ACYP2: variants seen among roughly 807,000 people sequenced by gnomAD.
ACYP2 encodes acylphosphatase-2.
In ACYP2, 12 loss-of-function variants were observed where a neutral mutation model predicts 11.2. That is an observed-to-expected ratio of 1.08 (90% CI 0.69 to 1.74). The LOEUF (loss-of-function observed/expected upper bound fraction) is 1.74, where lower values mean the gene tolerates loss of function less well. Ranked by LOEUF, ACYP2 falls within the 40% of genes most tolerant of loss-of-function variation. The pLI, the probability that ACYP2 is intolerant of heterozygous loss-of-function variation, is 0.00. For missense variants in ACYP2, 134 were observed against 101.9 expected (o/e 1.31, Z -1.35); for synonymous variants, 43 against 32.2 (o/e 1.33, Z -1.13).
At chr2:54,083,794 A>G (rs1458955380) in intron 4 of ACYP2, among the ~76,000 whole-genome samples, 2 of 152,130 alleles carry the variant, frequency 1.3e-5, no homozygotes, top group East Asian at 1.9e-4. Context: ...ACCAAATTCT[A>G]CATAAAACTG....
At chr2:54,033,991 A>G (rs1417885897) in intron 2 of ACYP2, among the ~76,000 whole-genome samples, 2 of 152,234 alleles carry the variant, frequency 1.3e-5, no homozygotes, top group Non-Finnish European at 2.9e-5. Flanking sequence ...CATTTTGATC[A>G]ATGATAGACC....
At chr2:54,286,290 G>C (rs1382174708) in intron 6 of ACYP2, among the ~76,000 whole-genome samples, 1 of 152,012 alleles carries the variant, frequency 6.6e-6, no homozygotes, top group African/African-American at 2.4e-5. Context: ...GTTTGCTGCT[G>C]TTGCCCAACA....
intron 6 of ACYP2, among the ~76,000 whole-genome samples, chr2:54,180,227 C>G (rs1204731318): frequency 6.6e-6 from 1 of 152,240 alleles, no homozygotes; most frequent in African/African-American, 2.4e-5. Flanking sequence ...TCTCCAAACC[C>G]TGTTTATTTA....
intron 6 of ACYP2, among the ~76,000 whole-genome samples, chr2:54,267,933 A>G (rs557755228): frequency 6.6e-6 from 1 of 152,338 alleles, no homozygotes; most frequent in South Asian, 2.1e-4. Context: ...TGCTAAGCAC[A>G]TCTGTGGGTA....
chr2:54,000,494 T>G (rs1672749381), intron 2 of ACYP2, among the ~76,000 whole-genome samples: 1 of 152,186 alleles, frequency 6.6e-6, no homozygotes, highest in African/African-American at 2.4e-5. Context: ...TCCTTTTCAT[T>G]TAGAAAAACC....
intron 6 of ACYP2, among the ~76,000 whole-genome samples, chr2:54,233,788 C>T (rs115289027): frequency 1.3e-5 from 2 of 152,110 alleles, no homozygotes; most frequent in Non-Finnish European, 2.9e-5. Context: ...TTAGCTCTCT[C>T]TCTTACATTA....
intron 4 of ACYP2, among the ~76,000 whole-genome samples, chr2:54,072,814 C>T (rs1047203543): frequency 2.0e-5 from 3 of 152,102 alleles, no homozygotes; most frequent in African/African-American, 4.8e-5. Context: ...CTGCCTGCCT[C>T]AGCCTCCCAA....
At chr2:54,026,852 G>A (rs991677111) in intron 2 of ACYP2, among the ~76,000 whole-genome samples, 5 of 143,294 alleles carry the variant, frequency 3.5e-5, no homozygotes, top group Non-Finnish European at 1.5e-5. Flanking sequence ...TGGGAGCTAA[G>A]TTATAAGGAT....
At chr2:54,276,099 CATT>C (rs1283626312) in intron 6 of ACYP2, among the ~76,000 whole-genome samples, 2 of 152,072 alleles carry the variant, frequency 1.3e-5, no homozygotes, top group African/African-American at 4.8e-5. Context: ...CCCCGATAAT[CATT>C]ATTATCCTTG....
intron 6 of ACYP2, among the ~76,000 whole-genome samples, chr2:54,218,442 G>A (rs1353912270): frequency 6.6e-6 from 1 of 152,190 alleles, no homozygotes; most frequent in African/African-American, 2.4e-5. Context: ...AGCTTCTGGA[G>A]AACAGGGATC....
chr2:54,230,079 A>G (rs1686167201), intron 6 of ACYP2, among the ~76,000 whole-genome samples: 2 of 152,198 alleles, frequency 1.3e-5, no homozygotes, highest in East Asian at 3.8e-4. Context: ...GAGACAAGGA[A>G]AAAATATTTA....
At chr2:54,135,522 C>G in intron 5 of ACYP2, 53 bp downstream of exon 2, 1 of 1,524,120 alleles carries the variant, frequency 6.6e-7, no homozygotes, top group East Asian at 2.3e-5. Flanking sequence ...CTGTTATTCC[C>G]AATTACAGAG....
At chr2:54,234,426 A>T (rs13412139) in intron 6 of ACYP2, among the ~76,000 whole-genome samples, 37,392 of 152,120 alleles carry the variant, frequency 0.25, 4,693 homozygotes, top group East Asian at 0.37. Flanking sequence ...TAAAGCCATG[A>T]TTCATCTCTT....
intron 1 of ACYP2, among the ~76,000 whole-genome samples, chr2:53,971,875 A>G (rs1393362648): frequency 6.6e-6 from 1 of 152,232 alleles, no homozygotes; most frequent in Non-Finnish European, 1.5e-5. Flanking sequence ...TAAAAATTCA[A>G]AGTTCAAAAT....
intron 4 of ACYP2, among the ~76,000 whole-genome samples, chr2:54,111,949 C>T (rs1018692512): frequency 3.3e-5 from 5 of 152,140 alleles, no homozygotes; most frequent in African/African-American, 1.2e-4. Flanking sequence ...CTTCAAATGT[C>T]ATTTGGACAC....
At chr2:54,101,151 C>A (rs1678870809) in intron 4 of ACYP2, among the ~76,000 whole-genome samples, 1 of 152,108 alleles carries the variant, frequency 6.6e-6, no homozygotes, top group Non-Finnish European at 1.5e-5. Flanking sequence ...TGCATTTGAA[C>A]CCCTGCAGCT....
At chr2:54,112,477 T>C (rs1255844192) in intron 4 of ACYP2, among the ~76,000 whole-genome samples, 1 of 152,236 alleles carries the variant, frequency 6.6e-6, no homozygotes, top group Non-Finnish European at 1.5e-5. Context: ...TACATGCTTA[T>C]ACCCTTGATT....
At chr2:54,051,382 G>T in intron 3 of ACYP2, 1 of 753,180 alleles carries the variant, frequency 1.3e-6, no homozygotes, top group Non-Finnish European at 2.4e-6. Context: ...AGAGAAAAGT[G>T]AAGACATGGC....
rs377631843 is a variant in ACYP2, at chr2:54,255,794, T to C, written c.405-48894T>C. On this transcript the variant is annotated intron_variant, in intron 6 of 6. Transcript: ENST00000607452. ...GCCTTCTCCCCACCTAGGCCGTGCG[T>C]CTCTTCACCCGGAAAGCCATTTTTG... The C allele has an allele frequency of 1.2e-4, 200 of 1,613,716 alleles. No homozygotes were observed. The highest frequency in any genetic ancestry group is 1.6e-4 in the Non-Finnish European group (190 of 1,180,018).
Sources: allele counts gnomAD v4.1 joint callset (sites outside exome capture counted in the v4.1 genomes callset), GRCh38; gene constraint gnomAD v4.1.1; transcripts MANE v1.5; gene names NCBI Gene and HGNC (gene_info 2026-07-23, HGNC 2026-07-21).